ATP10A: variants seen among roughly 807,000 people sequenced by gnomAD.
ATP10A encodes phospholipid-transporting ATPase VA.
Under a neutral mutation model 147.8 loss-of-function variants are expected in ATP10A, and 111 were observed. The observed-to-expected ratio is 0.75, with a 90% CI of 0.64 to 0.88. The LOEUF (loss-of-function observed/expected upper bound fraction) is 0.88. Among genes scored for constraint, ATP10A ranks in the 40% least tolerant of loss-of-function variants. The pLI is 0.00. For missense variants in ATP10A, 1,927 were observed against 1,959.0 expected, an observed-to-expected ratio of 0.98 and a Z score of 0.31; for synonymous variants, 875 against 841.6, an observed-to-expected ratio of 1.04 and a Z score of -0.69.
At chr15:25,767,287 G>A (rs1889077904) in intron 2 of ATP10A, among the ~76,000 whole-genome samples, 1 of 152,214 alleles carries the variant, frequency 6.6e-6, no homozygotes, top group South Asian at 2.1e-4. Context: ...TGGCACCCCT[G>A]AGACGGTGAA....
chr15:25,764,051 C>G (rs1052794155), intron 2 of ATP10A, among the ~76,000 whole-genome samples: 13 of 152,136 alleles, frequency 8.5e-5, no homozygotes, highest in Non-Finnish European at 1.8e-4. Context: ...GACACCCATG[C>G]AATGCAGGGC....
chr15:25,750,558 T>C (rs1888095875), intron 2 of ATP10A, among the ~76,000 whole-genome samples: 1 of 152,152 alleles, frequency 6.6e-6, no homozygotes, highest in Non-Finnish European at 1.5e-5. Context: ...TTTTGTTATT[T>C]GACAGCCAGT....
chr15:25,766,501 G>A (rs1259772938), intron 2 of ATP10A, among the ~76,000 whole-genome samples: 1 of 151,884 alleles, frequency 6.6e-6, no homozygotes, highest in Admixed American at 6.6e-5. Context: ...CCCTCCCCAG[G>A]CCCAGCCCAG....
At chr15:25,777,140 C>T (rs1374003312) in intron 2 of ATP10A, among the ~76,000 whole-genome samples, 1 of 150,572 alleles carries the variant, frequency 6.6e-6, no homozygotes, top group East Asian at 1.9e-4. Flanking sequence ...ACTGCCCACT[C>T]CCTCCAGGTT....
chr15:25,707,655 C>A (rs1437600368), intron 12 of ATP10A, among the ~76,000 whole-genome samples: 1 of 152,044 alleles, frequency 6.6e-6, no homozygotes, highest in Non-Finnish European at 1.5e-5. Flanking sequence ...TCCCTGTTTC[C>A]CGAGGGGAAA....
intron 1 of ATP10A, among the ~76,000 whole-genome samples, chr15:25,819,330 C>T (rs1222876484): frequency 6.6e-6 from 1 of 152,130 alleles, no homozygotes; most frequent in African/African-American, 2.4e-5. Context: ...AAATGCTCAA[C>T]GTCACTAATC....
chr15:25,827,187 A>G (rs1892153337), intron 1 of ATP10A, among the ~76,000 whole-genome samples: 1 of 152,218 alleles, frequency 6.6e-6, no homozygotes, highest in Non-Finnish European at 1.5e-5. Context: ...CACAAAATAC[A>G]TAGGTGAAAT....
At chr15:25,794,307 T>C (rs1458535931) in intron 1 of ATP10A, among the ~76,000 whole-genome samples, 2 of 151,986 alleles carry the variant, frequency 1.3e-5, no homozygotes, top group Non-Finnish European at 2.9e-5. Context: ...TGGCTTCTCC[T>C]ACCACGCAGA....
chr15:25,772,362 T>C (rs1889382509), intron 2 of ATP10A, among the ~76,000 whole-genome samples: 1 of 152,100 alleles, frequency 6.6e-6, no homozygotes, highest in African/African-American at 2.4e-5. Flanking sequence ...GAACCCGACT[T>C]TGCACCCAAA....
In ATP10A at chr15:25,687,063, C is replaced by A. The variant is rs1316297634; in HGVS notation, c.3291+640G>T. 1.9e-5 allele frequency among the ~76,000 whole-genome samples: 2 copies of A among 107,606 alleles called. 1 individual carries two copies. The highest frequency in any genetic ancestry group is 5.6e-4 in the East Asian group (2 of 3,578). 70.6% of individuals were successfully genotyped at this position (107,606 alleles called of 152,430 possible). On this transcript the variant is annotated intron_variant, in intron 16 of 20. Transcript: ENST00000555815. ...GGGTGGGAAGGCCCGAAGGGCACCC[C>A]CTTCCTGCTGGGTCTGAGCCTCCCT...
chr15:25,707,384 C>T (rs772909193), intron 12 of ATP10A, among the ~76,000 whole-genome samples: 1 of 151,976 alleles, frequency 6.6e-6, no homozygotes, highest in Non-Finnish European at 1.5e-5. Flanking sequence ...ACACACAGAG[C>T]ATGTATACAA....
intron 1 of ATP10A, among the ~76,000 whole-genome samples, chr15:25,784,518 C>T (rs1890069062): frequency 1.3e-5 from 2 of 152,164 alleles, no homozygotes; most frequent in Non-Finnish European, 2.9e-5. Flanking sequence ...CCCTGAGGAC[C>T]CTCCACACAT....
At chr15:25,764,521 C>G (rs1408989789) in intron 2 of ATP10A, among the ~76,000 whole-genome samples, 1 of 152,204 alleles carries the variant, frequency 6.6e-6, no homozygotes. Context: ...CTGCCTCTCT[C>G]TCTCTCTCCA....
At position 25,772,707 on chromosome 15, in the gene ATP10A, G is replaced by T. The variant is rs1338301260; in HGVS notation, c.654+8312C>A. ...GACAGGTGAGTGGAACGACCCTGAAGATCTGGCACAATTCCTAACCTATGA... is the reference window on the plus strand; with the variant it reads ...GACAGGTGAGTGGAACGACCCTGAATATCTGGCACAATTCCTAACCTATGA... On this transcript the variant is annotated intron_variant, in intron 2 of 20. Coordinates refer to ENST00000555815, the MANE Select transcript of ATP10A (RefSeq NM_024490.4). 2.0e-5 allele frequency among the ~76,000 whole-genome samples: 3 copies of T among 152,314 alleles called. No homozygotes were observed. In the East Asian group the frequency reaches 5.8e-4, roughly 29 times the overall value.
intron 7 of ATP10A, 102 bp downstream of exon 7, chr15:25,721,555 T>G: frequency 9.3e-7 from 1 of 1,070,270 alleles, no homozygotes; most frequent in Non-Finnish European, 1.4e-6. Flanking sequence ...TGTGTGTGTG[T>G]GTGTGTGTGT....
At chr15:25,701,333 G>A (rs188780035) in intron 13 of ATP10A, among the ~76,000 whole-genome samples, 36 of 152,342 alleles carry the variant, frequency 2.4e-4, no homozygotes, top group African/African-American at 7.5e-4. Context: ...GGGAGTCTGA[G>A]TGTGAGCCCC....
At chr15:25,857,479 G>T (rs1275209942) in intron 1 of ATP10A, among the ~76,000 whole-genome samples, 1 of 151,972 alleles carries the variant, frequency 6.6e-6, no homozygotes, top group Non-Finnish European at 1.5e-5. Flanking sequence ...GTATGATAAT[G>T]GTATTTATAG....
intron 1 of ATP10A, among the ~76,000 whole-genome samples, chr15:25,852,063 C>G (rs1407859068): frequency 1.3e-5 from 2 of 152,186 alleles, no homozygotes; most frequent in Non-Finnish European, 2.9e-5. Flanking sequence ...AGCCCACCCT[C>G]TCTGCATTAT....
intron 1 of ATP10A, among the ~76,000 whole-genome samples, chr15:25,796,173 A>G (rs143880063): frequency 0.015 from 2,335 of 152,330 alleles, 31 homozygotes; most frequent in Non-Finnish European, 0.023. Flanking sequence ...GTGGTGGTTC[A>G]CATCTGTAAT....
Sources: allele counts gnomAD v4.1 joint callset (sites outside exome capture counted in the v4.1 genomes callset), GRCh38; gene constraint gnomAD v4.1.1; transcripts MANE v1.5; gene names NCBI Gene and HGNC (gene_info 2026-07-23, HGNC 2026-07-21).